Variants in CTDP1 observed in about 807,000 individuals in gnomAD.
The protein encoded by CTDP1 is CTD phosphatase 1.
In CTDP1, 47 loss-of-function variants were observed where a neutral mutation model predicts 91.8. The ratio of observed to expected loss-of-function variants is 0.51; its 90% CI spans 0.41 to 0.65. The LOEUF (loss-of-function observed/expected upper bound fraction) is 0.65. Among genes scored for constraint, CTDP1 ranks in the 30% least tolerant of loss-of-function variants. The pLI, the probability that CTDP1 is intolerant of heterozygous loss-of-function variation, is 0.00. For synonymous variants in CTDP1, 656 were observed against 598.5 expected, an observed-to-expected ratio of 1.10 and a Z score of -1.40; for missense variants, 1,272 against 1,373.7, an observed-to-expected ratio of 0.93 and a Z score of 1.17.
chr18:79,749,765 T>C (rs542718521), intron 12 of CTDP1: 83 of 152,322 alleles, frequency 5.4e-4, no homozygotes, highest in African/African-American at 1.8e-3. Flanking sequence ...GAGAACTGTC[T>C]CTGTCTTGTT....
intron 1 of CTDP1, 85 bp downstream of exon 1, chr18:79,680,346 T>C (rs2085334820): frequency 9.0e-7 from 1 of 1,115,446 alleles, no homozygotes; most frequent in East Asian, 3.4e-5. Flanking sequence ...GCGTCCGCGG[T>C]GGGCAGGGGC....
Position 79,714,657 on chromosome 18 carries a change from G to A in CTDP1, c.1197G>A (p.Gly399=), listed in dbSNP as rs2086159808. 1 of 1,612,060 alleles carries A rather than the reference G, an allele frequency of 6.2e-7. No individual in the cohort carries two copies. The change falls in exon 8 of 13, where the codon GGG becomes GGA. Residue 399 remains glycine, a synonymous_variant. Coordinates refer to ENST00000613122, the MANE Select transcript of CTDP1 (RefSeq NM_004715.5). The part of the protein sequence containing the change: ...AATPRDSPRP[G]KPDERDIWPP... ...CCCCGCGGGACTCACCCCGCCCCGGGAAGCCAGACGAGAGGGACATCTGGC... is the reference window on the plus strand; with the variant it reads ...CCCCGCGGGACTCACCCCGCCCCGGAAAGCCAGACGAGAGGGACATCTGGC...
Position 79,713,234 on chromosome 18 carries a change from CAA to C in CTDP1, c.1030+97_1030+98del. 1.6e-6 allele frequency: 2 copies of C among 1,227,576 alleles called. No homozygotes were observed. Among genetic ancestry groups the C allele is most frequent in the Non-Finnish European group, 2.3e-6 (2 of 858,144 alleles). 76.0% of individuals were successfully genotyped at this position (1,227,576 alleles called of 1,614,324 possible). On this transcript the variant is annotated intron_variant, in intron 7 of 12. Coordinates refer to ENST00000613122, the MANE Select transcript of CTDP1 (RefSeq NM_004715.5). This position sits in a 1 kb window ranked among gnomAD's most constrained non-coding sequence, Gnocchi z 4.7. Reference sequence around the variant, plus strand: ...ATCTCTGTTTTGACTGCTATAAATTCAAGATACACTTTTTTTATTTGTGTTTC... The same window carrying C: ...ATCTCTGTTTTGACTGCTATAAATTCGATACACTTTTTTTATTTGTGTTTC...
At chr18:79,729,819 C>G (rs1422156404) in intron 11 of CTDP1, among the ~76,000 whole-genome samples, 2 of 152,186 alleles carry the variant, frequency 1.3e-5, no homozygotes, top group Non-Finnish European at 2.9e-5. Context: ...CTGTAAGGTG[C>G]CCTCATGGGT....
At position 79,700,645 on chromosome 18, in the gene CTDP1, G is replaced by A. The variant is rs2085838994; in HGVS notation, c.621+2657G>A. Among the ~76,000 whole-genome samples the A allele has an allele frequency of 2.6e-5, 4 of 152,242 alleles. No individual in the cohort carries two copies. The South Asian group carries it at 8.3e-4, about 31-fold the overall frequency. On this transcript the variant is annotated intron_variant, in intron 4 of 12. Coordinates refer to ENST00000613122, the MANE Select transcript of CTDP1 (RefSeq NM_004715.5). ...CACAAAAGTGAAGGTGAAGCAGCAG[G>A]TGCTGTTGGAGAAACTGCGGCAAGT...
chr18:79,680,224 G>C lies in CTDP1; in HGVS notation c.277G>C (p.Glu93Gln). The C allele has an allele frequency of 7.4e-7, 1 of 1,358,798 alleles. No homozygotes were observed. The highest frequency in any genetic ancestry group is 9.4e-7 in the Non-Finnish European group (1 of 1,063,288). The allele number at this position is 1,358,798 out of a possible 1,614,324, so 84.2% of individuals were successfully genotyped here. ...GTCGGAGCGCGCGGGCGTGGTGCGG[G>C]AGCTGTGCGCGCAGCCGGGCCAGGT... ...LRSERAGVVR[E>Q]LCAQPGQVVA... The change falls in exon 1 of 13, where the codon GAG (glutamate) becomes CAG (glutamine). Residue 93 changes from glutamate (E) to glutamine (Q), a missense_variant. By Grantham distance (29) the Glu-to-Gln change is conservative. This residue lies in a region of CTDP1 where 214 missense variants were observed against 179.1 expected (regional missense o/e 1.19). Transcript: ENST00000613122.
intron 1 of CTDP1, among the ~76,000 whole-genome samples, chr18:79,692,822 G>A (rs2085652597): frequency 6.6e-6 from 1 of 152,244 alleles, no homozygotes; most frequent in Non-Finnish European, 1.5e-5. Context: ...GGCAGGAGCT[G>A]TGCAGAGTTT....
Position 79,679,857 on chromosome 18 carries a change from G to C in CTDP1, c.-91G>C. 1 of 1,220,766 alleles carries C rather than the reference G, an allele frequency of 8.2e-7. No homozygotes were observed. Among genetic ancestry groups the C allele is most frequent in the Middle Eastern group, 3.1e-4 (1 of 3,222 alleles). 75.6% of individuals were successfully genotyped at this position (1,220,766 alleles called of 1,614,324 possible). A position where few individuals can be genotyped will look rare whatever the true frequency, so the allele number is the denominator to read the frequency against. On this transcript the variant is annotated 5_prime_UTR_variant, in exon 1 of 13. Coordinates refer to ENST00000613122, the MANE Select transcript of CTDP1 (RefSeq NM_004715.5). ...AGCCGGTACCGAGAGGAACTACAGC[G>C]TCGCCGCCTGGGTTGTGTCGCCGCG...
At position 79,717,672 on chromosome 18, in the gene CTDP1, C is replaced by T. The variant is rs757802799; in HGVS notation, c.2206C>T (p.Gln736Ter). Residue 736 changes from glutamine to a stop codon, truncating the protein, a stop_gained, in exon 9 of 13, where the codon CAG becomes TAG. Transcript: ENST00000613122. LOFTEE classifies it high-confidence loss of function. ...FPLRDDHTKAQRENSPAAFPD... is the reference protein window; with the variant it reads ...FPLRDDHTKA ...GCTCAGGGACGATCACACCAAGGCA[C>T]AGAGGTGGGTCCTCGCTGCACCCAG... 6.2e-7 allele frequency: 1 copy of T among 1,613,924 alleles called. No individual in the cohort carries two copies. The highest frequency in any genetic ancestry group is 8.5e-7 in the Non-Finnish European group (1 of 1,179,990).
intron 11 of CTDP1, 116 bp from the exon 12 acceptor site, chr18:79,736,239 T>TA: frequency 7.4e-7 from 1 of 1,343,042 alleles, no homozygotes; most frequent in Non-Finnish European, 1.0e-6. Flanking sequence ...AGCAGAGTGC[T>TA]ACCTCCAGCC....
intron 8 of CTDP1, 21 bp from the exon 9 acceptor site, chr18:79,717,514 A>T: frequency 1.9e-6 from 3 of 1,611,482 alleles, no homozygotes; most frequent in Non-Finnish European, 2.5e-6. Context: ...GAACAGCCTG[A>T]CGCAGCCGGG....
intron 11 of CTDP1, among the ~76,000 whole-genome samples, chr18:79,734,523 C>G (rs1295139887): frequency 2.0e-5 from 3 of 151,678 alleles, no homozygotes; most frequent in African/African-American, 7.3e-5. Context: ...GGGGCACGTG[C>G]CGGGCTGCCC....
upstream of CTDP1, chr18:79,679,291 G>A (rs183082007): frequency 1.5e-5 from 6 of 409,716 alleles, no homozygotes; most frequent in South Asian, 5.2e-5. Flanking sequence ...GGTCCGGGGG[G>A]GGACACGAGG....
intron 12 of CTDP1, chr18:79,749,704 A>T (rs2086957748): frequency 6.6e-6 from 1 of 152,166 alleles, no homozygotes; most frequent in African/African-American, 2.4e-5. Flanking sequence ...CAGTGGGTTG[A>T]GCTCTTCCAG....
intron 1 of CTDP1, among the ~76,000 whole-genome samples, chr18:79,694,276 TGGGC>T (rs2085693904): frequency 4.2e-5 from 3 of 71,366 alleles, no homozygotes; most frequent in African/African-American, 1.6e-4. Context: ...CACCTAGGGG[TGGGC>T]GCTGAGTGCT....
At chr18:79,731,312 G>A (rs1356924368) in intron 11 of CTDP1, among the ~76,000 whole-genome samples, 1 of 152,232 alleles carries the variant, frequency 6.6e-6, no homozygotes, top group Non-Finnish European at 1.5e-5. Flanking sequence ...GGCATTGGCT[G>A]CTCCAGTGGT....
At chr18:79,698,124 C>T (rs373765868) in intron 4 of CTDP1, 136 bp downstream of exon 4, 4 of 1,313,208 alleles carry the variant, frequency 3.0e-6, no homozygotes, top group African/African-American at 1.5e-5. Flanking sequence ...CTTGCTAGTT[C>T]TGGGCGTGGG....
chr18:79,718,540 G>C (rs2086268831), intron 10 of CTDP1, among the ~76,000 whole-genome samples: 1 of 152,166 alleles, frequency 6.6e-6, no homozygotes, highest in African/African-American at 2.4e-5. Flanking sequence ...TGGTAGCCGG[G>C]ATCTGTGCTG....
At chr18:79,678,694 A>G (rs532159376), upstream of CTDP1, 1 of 152,320 alleles carries the variant, frequency 6.6e-6, no homozygotes, top group South Asian at 2.1e-4. Flanking sequence ...TGTATATAAA[A>G]TTTATATACG....
Sources: gnomAD v4.1 joint callset for allele counts (sites outside exome capture counted in the v4.1 genomes callset) on GRCh38, gnomAD v4.1.1 for gene constraint, gnomAD v4.1.1 regional missense constraint, Gnocchi (gnomAD v3.1) non-coding constraint, MANE v1.5 for transcripts, NCBI Gene and HGNC (gene_info 2026-07-23, HGNC 2026-07-21) for gene names.